Variants in CIMIP6 observed in about 807,000 individuals in gnomAD.
CIMIP6 encodes ciliary microtubule inner protein 6.
At chr2:54,358,147 T>A in the CIMIP6 span, among the ~76,000 whole-genome samples, 1 of 152,174 alleles carries the variant, frequency 6.6e-6, no homozygotes, top group Non-Finnish European at 1.5e-5. Context: ...CTCTTGCAAA[T>A]TTTTCAGAAC....
chr2:54,360,722 G>A, the CIMIP6 span: 20 of 742,494 alleles, frequency 2.7e-5, no homozygotes, highest in East Asian at 5.6e-4. Context: ...ACAACCAAAT[G>A]TTATTAATAA....
the CIMIP6 span, among the ~76,000 whole-genome samples, chr2:54,347,538 A>G: frequency 6.6e-6 from 1 of 152,178 alleles, no homozygotes; most frequent in African/African-American, 2.4e-5. Context: ...CAGTTATGGT[A>G]CTTCAGCTAC....
the CIMIP6 span, among the ~76,000 whole-genome samples, chr2:54,343,234 G>A: frequency 5.3e-5 from 8 of 152,314 alleles, no homozygotes; most frequent in East Asian, 1.5e-3. Flanking sequence ...TTTTATGTAT[G>A]TATAGCATTG....
chr2:54,376,296 G>C, the CIMIP6 span, among the ~76,000 whole-genome samples: 1 of 151,918 alleles, frequency 6.6e-6, no homozygotes, highest in African/African-American at 2.4e-5. Flanking sequence ...TTACAGGCAT[G>C]AGCCACAGTG....
chr2:54,359,590 C>CTAA, the CIMIP6 span, among the ~76,000 whole-genome samples: 1 of 148,996 alleles, frequency 6.7e-6, no homozygotes, highest in Admixed American at 6.6e-5. Flanking sequence ...AGTCTCATTT[C>CTAA]TAATAACAAT....
At chr2:54,330,961 G>A in the CIMIP6 span, 14 of 1,613,038 alleles carry the variant, frequency 8.7e-6, no homozygotes, top group African/African-American at 8.0e-5. Context: ...TCGCTGCCTG[G>A]TGCCGTAGAG....
At chr2:54,331,516 A>G in the CIMIP6 span, among the ~76,000 whole-genome samples, 1 of 151,858 alleles carries the variant, frequency 6.6e-6, no homozygotes, top group Non-Finnish European at 1.5e-5. Context: ...GGCACCTCCA[A>G]TGGCCTATGG....
At chr2:54,366,446 CT>C in the CIMIP6 span, among the ~76,000 whole-genome samples, 2 of 152,108 alleles carry the variant, frequency 1.3e-5, no homozygotes, top group Non-Finnish European at 2.9e-5. Flanking sequence ...TCTTTAATCG[CT>C]TGTAGCAAAT....
chr2:54,382,378 C>T, the CIMIP6 span, among the ~76,000 whole-genome samples: 29 of 152,226 alleles, frequency 1.9e-4, no homozygotes, highest in South Asian at 5.8e-3. Context: ...GCAATATAAA[C>T]AATGAAGAAT....
chr2:54,330,901 C>G, the CIMIP6 span: 1 of 1,464,614 alleles, frequency 6.8e-7, no homozygotes, highest in East Asian at 2.3e-5. Flanking sequence ...CCGCGCTTTG[C>G]GCACCCTTTT....
the CIMIP6 span, among the ~76,000 whole-genome samples, chr2:54,369,726 G>A: frequency 6.6e-6 from 1 of 152,190 alleles, no homozygotes; most frequent in Non-Finnish European, 1.5e-5. Flanking sequence ...CCACAAGGTA[G>A]TTTGTAAACC....
At chr2:54,357,104 T>A in the CIMIP6 span, among the ~76,000 whole-genome samples, 1 of 152,206 alleles carries the variant, frequency 6.6e-6, no homozygotes, top group African/African-American at 2.4e-5. Context: ...AAGGTAATGA[T>A]TAAGTAGAAA....
At chr2:54,369,377 C>T in the CIMIP6 span, among the ~76,000 whole-genome samples, 1 of 152,152 alleles carries the variant, frequency 6.6e-6, no homozygotes, top group Non-Finnish European at 1.5e-5. Context: ...TGGTTTCTAA[C>T]CCTACGGCAG....
At chr2:54,335,003 C>T in the CIMIP6 span, 6 of 1,598,214 alleles carry the variant, frequency 3.8e-6, no homozygotes, top group Non-Finnish European at 5.1e-6. Context: ...ACATAGATCC[C>T]AAAAAAGGGC....
At chr2:54,376,380 T>C in the CIMIP6 span, among the ~76,000 whole-genome samples, 1 of 152,154 alleles carries the variant, frequency 6.6e-6, no homozygotes, top group Non-Finnish European at 1.5e-5. Context: ...TTAACTATAT[T>C]CCTGTCGTCG....
At chr2:54,368,476 A>G in the CIMIP6 span, among the ~76,000 whole-genome samples, 2 of 152,254 alleles carry the variant, frequency 1.3e-5, no homozygotes, top group Non-Finnish European at 1.5e-5. Context: ...TGCCTATGCA[A>G]TAAAGGATTA....
chr2:54,331,887 CA>C, the CIMIP6 span, among the ~76,000 whole-genome samples: 2 of 152,194 alleles, frequency 1.3e-5, no homozygotes, highest in Non-Finnish European at 2.9e-5. Flanking sequence ...CTTGAACGTG[CA>C]TAAGAATCAG....
the CIMIP6 span, among the ~76,000 whole-genome samples, chr2:54,372,559 A>G: frequency 2.3e-4 from 35 of 152,280 alleles, no homozygotes; most frequent in South Asian, 2.3e-3. Context: ...AGAGGTCATA[A>G]AAGTCCACCA....
At chr2:54,348,552 A>C in the CIMIP6 span, among the ~76,000 whole-genome samples, 8 of 152,202 alleles carry the variant, frequency 5.3e-5, no homozygotes, top group African/African-American at 1.9e-4. Flanking sequence ...ACAAAGTCAT[A>C]ATGTAATTTA....
Sources: gnomAD v4.1 joint callset for allele counts (sites outside exome capture counted in the v4.1 genomes callset) on GRCh38, gnomAD v4.1.1 for gene constraint, MANE v1.5 for transcripts, NCBI Gene and HGNC (gene_info 2026-07-23, HGNC 2026-07-21) for gene names.